BTBD3: variants seen among roughly 807,000 people sequenced by gnomAD.
The protein encoded by BTBD3 is BTB/POZ domain-containing protein 3.
In BTBD3, 14 loss-of-function variants were observed where a neutral mutation model predicts 41.6. That is an observed-to-expected ratio of 0.34 (90% CI 0.22 to 0.53). The LOEUF is 0.53. Ranked by LOEUF, BTBD3 falls within the 20% of genes least tolerant of loss-of-function variation. The pLI is 0.95. For missense variants in BTBD3, 426 were observed against 654.7 expected (o/e 0.65, Z 3.81); for synonymous variants, 249 against 233.7 (o/e 1.07, Z -0.60).
chr20:11,891,105 C>T (rs1216342176), intron 1 of BTBD3, among the ~76,000 whole-genome samples: 1 of 150,286 alleles, frequency 6.7e-6, no homozygotes, highest in Non-Finnish European at 1.5e-5. Context: ...CGGCCTCGGA[C>T]CCACGGGACC....
In BTBD3 at chr20:11,922,967, C is replaced by T. The variant is rs1489074460; in HGVS notation, c.870C>T (p.Leu290=). The T allele has an allele frequency of 6.2e-7, 1 of 1,614,198 alleles. No homozygotes were observed. The highest frequency in any genetic ancestry group is 1.3e-5 in the African/African-American group (1 of 75,042). ...AKEIVVFEAA[L]NWAEVECQRQ... ...AAATTGTGGTTTTTGAGGCAGCTCT[C>T]AACTGGGCTGAAGTAGAATGCCAAC... The change falls in exon 4 of 4, where the codon CTC becomes CTT. Residue 290 remains leucine (L), a synonymous_variant. Coordinates refer to ENST00000378226, the MANE Select transcript of BTBD3 (RefSeq NM_014962.4).
chr20:11,916,968 ATTC>A (rs1213139736), upstream of BTBD3, among the ~76,000 whole-genome samples: 2 of 152,214 alleles, frequency 1.3e-5, no homozygotes, highest in Admixed American at 6.5e-5. Flanking sequence ...GGTAGCTTAT[ATTC>A]TTCTAATTCA....
rs757592297 is a variant in BTBD3, at chr20:11,922,928, T to C, written c.831T>C (p.Thr277=). The stretch of plus-strand genomic sequence containing the variant: ...TAGAAAGTATTCTCCGTAGGGAAAC[T>C]CTGAATGCCAAAGAAATTGTGGTTT... The part of the protein sequence containing the change: ...QTLESILRRE[T]LNAKEIVVFE... Residue 277 remains threonine (T), a synonymous_variant, in exon 4 of 4, where the codon ACT becomes ACC. Coordinates refer to ENST00000378226, the MANE Select transcript of BTBD3 (RefSeq NM_014962.4). The C allele has an allele frequency of 6.2e-7, 1 of 1,614,224 alleles. No homozygotes were observed. The highest frequency in any genetic ancestry group is 8.5e-7 in the Non-Finnish European group (1 of 1,180,044).
chr20:11,909,642 G>C (rs896370457), intron 1 of BTBD3: 1 of 151,984 alleles, frequency 6.6e-6, no homozygotes, highest in Non-Finnish European at 1.5e-5. Flanking sequence ...TTTCATTCTG[G>C]TCGCATACAT....
chr20:11,911,906 T>C (rs148867203), intron 1 of BTBD3, among the ~76,000 whole-genome samples: 41 of 152,190 alleles, frequency 2.7e-4, no homozygotes, highest in Middle Eastern at 3.4e-3. Context: ...AGACACAGTG[T>C]GTATGTAAGA....
upstream of BTBD3, among the ~76,000 whole-genome samples, chr20:11,913,902 C>T (rs2122266442): frequency 6.6e-6 from 1 of 152,284 alleles, no homozygotes; most frequent in East Asian, 1.9e-4. Context: ...AGCTTTCTGG[C>T]AATTATAAAA....
chr20:11,891,722 C>T (rs553950656), intron 1 of BTBD3, among the ~76,000 whole-genome samples: 1 of 152,306 alleles, frequency 6.6e-6, no homozygotes, highest in African/African-American at 2.4e-5. Context: ...AAGTATTGTT[C>T]GGGCCTGCTG....
intron 1 of BTBD3, among the ~76,000 whole-genome samples, chr20:11,902,057 C>G (rs1036535192): frequency 6.6e-6 from 1 of 151,994 alleles, no homozygotes; most frequent in East Asian, 1.9e-4. Context: ...CACCAACCTC[C>G]CACCCCGCAC....
At chr20:11,895,151 C>A (rs2056778965) in intron 1 of BTBD3, among the ~76,000 whole-genome samples, 1 of 152,074 alleles carries the variant, frequency 6.6e-6, no homozygotes, top group Admixed American at 6.6e-5. Context: ...AAGATCTTGA[C>A]TAACTTTGAG....
chr20:11,908,965 C>T (rs890664714), intron 1 of BTBD3, among the ~76,000 whole-genome samples: 3 of 151,954 alleles, frequency 2.0e-5, no homozygotes, highest in African/African-American at 4.8e-5. Context: ...TAGCATAAAA[C>T]GGCCAGGCGC....
intron 3 of BTBD3, among the ~76,000 whole-genome samples, chr20:11,920,764 ATGTT>A (rs996095100): frequency 3.9e-5 from 6 of 152,290 alleles, no homozygotes; most frequent in African/African-American, 9.6e-5. Flanking sequence ...AATAAGTAAA[ATGTT>A]TGTTGAAAAA....
At chr20:11,915,772 G>A (rs2056914281), upstream of BTBD3, among the ~76,000 whole-genome samples, 1 of 152,058 alleles carries the variant, frequency 6.6e-6, no homozygotes. Context: ...TTCAGATTTA[G>A]CGCTACTTCA....
At chr20:11,911,977 C>T (rs1247424566) in intron 1 of BTBD3, among the ~76,000 whole-genome samples, 1 of 152,082 alleles carries the variant, frequency 6.6e-6, no homozygotes, top group African/African-American at 2.4e-5. Context: ...ATCATCGTTC[C>T]CTGCCTTCTA....
chr20:11,919,617 T>C (rs948522060), intron 2 of BTBD3, 101 bp from the exon 3 acceptor site: 1 of 1,303,878 alleles, frequency 7.7e-7, no homozygotes, highest in East Asian at 2.3e-5. Context: ...TTAGGTACGC[T>C]ATGTTTACTA....
At chr20:11,896,706 C>G (rs2056789159) in intron 1 of BTBD3, among the ~76,000 whole-genome samples, 1 of 152,156 alleles carries the variant, frequency 6.6e-6, no homozygotes, top group Admixed American at 6.5e-5. Context: ...TGAATATTAG[C>G]AAGTGATCAT....
chr20:11,911,772 T>A (rs184632675), intron 1 of BTBD3, among the ~76,000 whole-genome samples: 1 of 152,314 alleles, frequency 6.6e-6, no homozygotes, highest in East Asian at 1.9e-4. Flanking sequence ...TTCCTTTAAA[T>A]AGCCATCTTC....
At chr20:11,911,356 A>G (rs2056888383) in intron 1 of BTBD3, among the ~76,000 whole-genome samples, 1 of 152,198 alleles carries the variant, frequency 6.6e-6, no homozygotes, top group Non-Finnish European at 1.5e-5. Context: ...GTAAATAACT[A>G]TTTCTGGCAA....
intron 1 of BTBD3, 119 bp downstream of exon 1, chr20:11,918,720 A>T: frequency 8.8e-7 from 1 of 1,135,102 alleles, no homozygotes; most frequent in South Asian, 1.7e-5. Flanking sequence ...GAAGCTTTTT[A>T]TTGGTAATGG....
At position 11,926,052 on chromosome 20, in the gene BTBD3, A is replaced by G. The variant is rs952552586; in HGVS notation, c.*2386A>G. 5 of 152,286 alleles carry G rather than the reference A, an allele frequency of 3.3e-5. No individual in the cohort carries two copies. The highest frequency in any genetic ancestry group is 9.6e-5 in the African/African-American group (4 of 41,456). 9.4% of individuals were successfully genotyped at this position (152,286 alleles called of 1,614,324 possible). A position where few individuals can be genotyped will look rare whatever the true frequency, so the allele number is the denominator to read the frequency against. On this transcript the variant is annotated 3_prime_UTR_variant, in exon 4 of 4. Transcript: ENST00000378226. ...CCCTATTGTCCTTTATGCATTTTCAATGAAATGGAATGAAGGCTAATATGC... is the reference window on the plus strand; with the variant it reads ...CCCTATTGTCCTTTATGCATTTTCAGTGAAATGGAATGAAGGCTAATATGC...
Sources: gnomAD v4.1 joint callset for allele counts (sites outside exome capture counted in the v4.1 genomes callset) on GRCh38, gnomAD v4.1.1 for gene constraint, MANE v1.5 for transcripts, NCBI Gene and HGNC (gene_info 2026-07-23, HGNC 2026-07-21) for gene names.